GDPD5: variants seen among roughly 807,000 people sequenced by gnomAD.
The protein encoded by GDPD5 is glycerophosphodiester phosphodiesterase domain containing 5.
In GDPD5, 48 loss-of-function variants were observed where a neutral mutation model predicts 75.1. That is an observed-to-expected ratio of 0.64 (90% CI 0.51 to 0.81). The LOEUF (loss-of-function observed/expected upper bound fraction) is 0.81, where lower values mean the gene tolerates loss of function less well. Ranked by LOEUF, GDPD5 falls within the 40% of genes least tolerant of loss-of-function variation. GDPD5 has a pLI of 0.00. For missense variants in GDPD5, 706 were observed against 822.6 expected, an observed-to-expected ratio of 0.86 and a Z score of 1.73; for synonymous variants, 336 against 339.0, an observed-to-expected ratio of 0.99 and a Z score of 0.10.
At chr11:75,501,294 C>T (rs1950300264) in intron 1 of GDPD5, among the ~76,000 whole-genome samples, 2 of 152,202 alleles carry the variant, frequency 1.3e-5, no homozygotes, top group South Asian at 4.1e-4. Context: ...ACAAGATAAC[C>T]ATGGGGGCCC....
rs1019630720 is a variant in GDPD5 at position 75,436,885 on chromosome 11, G to A, written c.1669+51C>T. 3.0e-6 allele frequency: 4 copies of A among 1,347,810 alleles called. No individual in the cohort carries two copies. The African/African-American group carries it at 4.3e-5, about 14-fold the overall frequency. The allele number at this position is 1,347,810 out of a possible 1,614,324, so 83.5% of individuals were successfully genotyped here. On this transcript the variant is annotated intron_variant, in intron 16 of 16. Coordinates refer to ENST00000336898, the MANE Select transcript of GDPD5 (RefSeq NM_030792.8). Reference sequence around the variant, plus strand: ...TACACATCTGTTTGCATGTGGGGGTGCAGAAAGCTGGGCCCAGGGCCTGCC... The same window carrying A: ...TACACATCTGTTTGCATGTGGGGGTACAGAAAGCTGGGCCCAGGGCCTGCC...
intron 4 of GDPD5, among the ~76,000 whole-genome samples, chr11:75,461,433 T>G (rs1949410384): frequency 6.6e-6 from 1 of 152,158 alleles, no homozygotes; most frequent in African/African-American, 2.4e-5. Flanking sequence ...TTGATTGTGC[T>G]CATTAATAAG....
At chr11:75,471,325 G>A (rs1390689340) in intron 3 of GDPD5, among the ~76,000 whole-genome samples, 1 of 152,196 alleles carries the variant, frequency 6.6e-6, no homozygotes. Flanking sequence ...CATTAGGGCC[G>A]AGCAGGGAAA....
chr11:75,449,706 C>T (rs1949086989), intron 7 of GDPD5, 96 bp from the exon 8 acceptor site: 2 of 1,374,970 alleles, frequency 1.5e-6, no homozygotes, highest in Admixed American at 2.0e-5. Flanking sequence ...GGCAGGCAAC[C>T]CTGTCTCCAT....
At chr11:75,461,759 C>A (rs1017260173) in intron 4 of GDPD5, among the ~76,000 whole-genome samples, 2 of 152,214 alleles carry the variant, frequency 1.3e-5, no homozygotes, top group Admixed American at 6.5e-5. Context: ...CATCGCCATG[C>A]TGACCTGAAC....
At chr11:75,441,922 G>C (rs867102663) in intron 12 of GDPD5, 119 bp from the exon 13 acceptor site, 2 of 1,040,992 alleles carry the variant, frequency 1.9e-6, no homozygotes, top group Middle Eastern at 4.8e-4. Context: ...TGAAAGCTTA[G>C]ATGAAGTCAT....
intron 1 of GDPD5, among the ~76,000 whole-genome samples, chr11:75,507,900 C>G (rs921126112): frequency 6.6e-6 from 1 of 152,184 alleles, no homozygotes; most frequent in Non-Finnish European, 1.5e-5. Flanking sequence ...CTGCCTGAGC[C>G]CTTGACCCGC....
At chr11:75,467,378 C>T (rs1010629344) in intron 3 of GDPD5, among the ~76,000 whole-genome samples, 2 of 152,206 alleles carry the variant, frequency 1.3e-5, no homozygotes, top group Non-Finnish European at 2.9e-5. Flanking sequence ...ATGGCCTGAG[C>T]TGTCTCTATG....
intron 3 of GDPD5, among the ~76,000 whole-genome samples, chr11:75,467,966 GAGA>G (rs1043862740): frequency 6.6e-6 from 1 of 152,128 alleles, no homozygotes; most frequent in Non-Finnish European, 1.5e-5. Context: ...TCTGTGTTCA[GAGA>G]AGAACATAGA....
chr11:75,436,800 G>A, intron 16 of GDPD5, 136 bp downstream of exon 16: 1 of 661,596 alleles, frequency 1.5e-6, no homozygotes, highest in Non-Finnish European at 2.7e-6. Context: ...ATCCCGGTGG[G>A]TTTATGTACG....
intron 1 of GDPD5, among the ~76,000 whole-genome samples, chr11:75,491,242 C>T (rs1950102943): frequency 6.6e-6 from 1 of 152,212 alleles, no homozygotes; most frequent in Non-Finnish European, 1.5e-5. Flanking sequence ...TGAGACACTC[C>T]CAGGCCTGCC....
chr11:75,500,975 T>G (rs2135451919), intron 1 of GDPD5, among the ~76,000 whole-genome samples: 1 of 152,348 alleles, frequency 6.6e-6, no homozygotes, highest in South Asian at 2.1e-4. Context: ...TCTTGTGCCC[T>G]GTACAGCCAT....
chr11:75,501,524 G>A (rs1451964732), intron 1 of GDPD5, among the ~76,000 whole-genome samples: 2 of 152,222 alleles, frequency 1.3e-5, no homozygotes, highest in African/African-American at 4.8e-5. Flanking sequence ...CCATGGCCTC[G>A]CTCAGAGTCA....
chr11:75,454,348 A>G (rs1213412657), intron 6 of GDPD5, among the ~76,000 whole-genome samples: 1 of 152,270 alleles, frequency 6.6e-6, no homozygotes, highest in Non-Finnish European at 1.5e-5. Context: ...AAGCCAATAA[A>G]TCAGCTGATG....
At position 75,444,413 on chromosome 11, in the gene GDPD5, C is replaced by T. The variant is rs773886999; in HGVS notation, c.797G>A (p.Ser266Asn). 6.2e-7 allele frequency: 1 copy of T among 1,611,164 alleles called. No homozygotes were observed. The highest frequency in any genetic ancestry group is 8.5e-7 in the Non-Finnish European group (1 of 1,177,520). ...LYGLQADITI[S>N]LDGVPFLMHD... ...ACTATCTCCCCTCCGCTACACCTACCTGATGGTAATGTCAGCCTGGAGCCC... is the reference window on the plus strand; with the variant it reads ...ACTATCTCCCCTCCGCTACACCTACTTGATGGTAATGTCAGCCTGGAGCCC... The change falls in exon 10 of 17, where the codon AGC becomes AAC. Residue 266 changes from serine (S) to asparagine (N), a missense_variant and splice_region_variant. By Grantham distance (46) the Ser-to-Asn change is conservative. Transcript: ENST00000336898.
intron 6 of GDPD5, chr11:75,452,756 A>T (rs2135242006): frequency 6.6e-6 from 1 of 152,468 alleles, no homozygotes; most frequent in East Asian, 1.9e-4. Context: ...TGGCAGGTAG[A>T]GGCTGATGGA....
intron 9 of GDPD5, among the ~76,000 whole-genome samples, chr11:75,448,079 A>G (rs2135206915): frequency 6.6e-6 from 1 of 152,030 alleles, no homozygotes; most frequent in South Asian, 2.1e-4. Context: ...GTTATGTGAG[A>G]CCCCCTTACT....
chr11:75,463,965 G>A (rs1415878854), intron 3 of GDPD5, among the ~76,000 whole-genome samples: 1 of 152,210 alleles, frequency 6.6e-6, no homozygotes. Context: ...CGTGCCTGCC[G>A]CGGTGCGCCC....
intron 1 of GDPD5, among the ~76,000 whole-genome samples, chr11:75,495,323 A>G (rs1565212660): frequency 6.6e-6 from 1 of 150,628 alleles, no homozygotes; most frequent in African/African-American, 2.4e-5. Flanking sequence ...TATATATATA[A>G]TTTGAATATA....
Sources: allele counts gnomAD v4.1 joint callset (sites outside exome capture counted in the v4.1 genomes callset), GRCh38; gene constraint gnomAD v4.1.1; transcripts MANE v1.5; gene names NCBI Gene and HGNC (gene_info 2026-07-23, HGNC 2026-07-21).